Variants in MPP7 observed in about 807,000 individuals in gnomAD.
The protein encoded by MPP7 is MAGUK p55 subfamily member 7.
A neutral mutation model predicts 76.5 loss-of-function variants in MPP7; 60 were observed. That is an observed-to-expected ratio of 0.78 (90% CI 0.64 to 0.97). The LOEUF is 0.97. Ranked by LOEUF, MPP7 falls within the 50% of genes least tolerant of loss-of-function variation. The probability of loss-of-function intolerance (pLI) is 0.00; values close to 1 mark genes in which losing one functional copy is unlikely to be tolerated. For synonymous variants in MPP7, 237 were observed against 244.5 expected, an observed-to-expected ratio of 0.97 and a Z score of 0.29; for missense variants, 641 against 694.0, an observed-to-expected ratio of 0.92 and a Z score of 0.86.
intron 11 of MPP7, among the ~76,000 whole-genome samples, chr10:28,092,724 C>T (rs941978261): frequency 2.0e-5 from 3 of 149,422 alleles, no homozygotes; most frequent in Non-Finnish European, 4.4e-5. Context: ...AGGCATGTGC[C>T]ACCACACCTG....
chr10:28,072,002 G>A (rs1019232340), intron 12 of MPP7, among the ~76,000 whole-genome samples: 6 of 152,090 alleles, frequency 3.9e-5, no homozygotes, highest in East Asian at 3.9e-4. Context: ...GGCCTGGCGC[G>A]GTGGCTCACA....
rs1465109716 is a variant in MPP7, at chr10:28,119,664, G to A, written c.939C>T (p.Ser313=). 2 of 1,613,318 alleles carry A rather than the reference G, an allele frequency of 1.2e-6. No individual in the cohort carries two copies. The highest frequency in any genetic ancestry group is 1.7e-5 in the Admixed American group (1 of 59,978). The change falls in exon 11 of 17, where the codon TCC becomes TCT. Residue 313 remains serine (S), a synonymous_variant. Coordinates refer to ENST00000683449, the MANE Select transcript of MPP7 (RefSeq NM_001318170.2). ...PEILVQPLKV[S]NRKSSGFRKS... is the part of the protein sequence containing the mutation. Reference sequence around the variant, plus strand: ...TAACAAACTTACATGATTTCCTGTTGGAAACTTTCAGGGGCTGAACCAATA... The same window carrying A: ...TAACAAACTTACATGATTTCCTGTTAGAAACTTTCAGGGGCTGAACCAATA...
At chr10:28,315,982 C>T (rs1834316163) in intron 2 of MPP7, among the ~76,000 whole-genome samples, 1 of 152,174 alleles carries the variant, frequency 6.6e-6, no homozygotes, top group Admixed American at 6.5e-5. Context: ...TTACAATAGG[C>T]TTGACCAGTA....
chr10:28,320,101 A>G (rs1440457041), intron 2 of MPP7, among the ~76,000 whole-genome samples: 1 of 152,196 alleles, frequency 6.6e-6, no homozygotes, highest in Non-Finnish European at 1.5e-5. Context: ...GTCTCTATGT[A>G]AAGGAGTCAG....
At chr10:28,184,209 T>TAC (rs1249966082) in intron 3 of MPP7, among the ~76,000 whole-genome samples, 1 of 147,928 alleles carries the variant, frequency 6.8e-6, no homozygotes, top group Non-Finnish European at 1.5e-5. Context: ...TATATCTTTA[T>TAC]ATGTTAAATA....
At chr10:28,107,379 AT>A (rs926729007) in intron 11 of MPP7, among the ~76,000 whole-genome samples, 3 of 152,072 alleles carry the variant, frequency 2.0e-5, no homozygotes, top group African/African-American at 7.2e-5. Flanking sequence ...GTTTTCTATA[AT>A]CCCTACTGTC....
At chr10:28,221,315 C>T (rs1051711576) in intron 2 of MPP7, among the ~76,000 whole-genome samples, 2 of 152,178 alleles carry the variant, frequency 1.3e-5, no homozygotes, top group African/African-American at 4.8e-5. Context: ...AAACAGGTGA[C>T]ATTTTTTTTA....
At chr10:28,234,498 G>A in intron 2 of MPP7, among the ~76,000 whole-genome samples, 1 of 152,134 alleles carries the variant, frequency 6.6e-6, no homozygotes, top group East Asian at 1.9e-4. Flanking sequence ...AGTATGGAAA[G>A]GATGAAAAAA....
At chr10:28,278,891 A>C (rs1337410643) in intron 1 of MPP7, among the ~76,000 whole-genome samples, 1 of 151,642 alleles carries the variant, frequency 6.6e-6, no homozygotes, top group Non-Finnish European at 1.5e-5. Context: ...TCTCTTTGCC[A>C]TTCATTATTT....
rs71391019 is a variant in MPP7 at position 28,189,650 on chromosome 10, G to GAA, written c.156+12501_156+12502dup. On this transcript the variant is annotated intron_variant, in intron 3 of 16. Transcript: ENST00000683449. ...GCTAACTGTAGGGCAAGCACACATA[G>GAA]AAAAAAAAAATTAAGTATAATTGAT... Among the ~76,000 whole-genome samples, 45 of 139,960 alleles carry GAA rather than the reference G, an allele frequency of 3.2e-4. No individual in the cohort carries two copies. In the Middle Eastern group the frequency reaches 0.011, roughly 35 times the overall value. The allele number at this position is 139,960 out of a possible 152,430, so 91.8% of individuals were successfully genotyped here. A position where few individuals can be genotyped will look rare whatever the true frequency, so the allele number is the denominator to read the frequency against.
At chr10:28,064,113 A>G (rs183703086) in intron 13 of MPP7, among the ~76,000 whole-genome samples, 1 of 152,332 alleles carries the variant, frequency 6.6e-6, no homozygotes, top group Admixed American at 6.5e-5. Flanking sequence ...ATATTTGTCA[A>G]AAGACTTGTA....
chr10:28,107,079 C>T (rs1834349203), intron 11 of MPP7, among the ~76,000 whole-genome samples: 1 of 152,146 alleles, frequency 6.6e-6, no homozygotes, highest in Admixed American at 6.5e-5. Flanking sequence ...ATAAATGTGT[C>T]AATTACTTAA....
intron 1 of MPP7, among the ~76,000 whole-genome samples, chr10:28,255,736 T>G (rs1423449335): frequency 6.6e-6 from 1 of 152,218 alleles, no homozygotes; most frequent in African/African-American, 2.4e-5. Context: ...TATTTGTTAC[T>G]GAAATATAGT....
At chr10:28,261,966 A>G (rs997372253) in intron 1 of MPP7, among the ~76,000 whole-genome samples, 2 of 151,032 alleles carry the variant, frequency 1.3e-5, no homozygotes, top group African/African-American at 2.4e-5. Context: ...CCTGGCCAAC[A>G]TGGTGAAACC....
chr10:28,244,865 T>C (rs1255591011), intron 1 of MPP7, among the ~76,000 whole-genome samples: 1 of 152,136 alleles, frequency 6.6e-6, no homozygotes, highest in East Asian at 1.9e-4. Flanking sequence ...TCTGCAAGCA[T>C]AGGTGTAATG....
At chr10:28,133,629 G>A (rs529739313) in intron 5 of MPP7, among the ~76,000 whole-genome samples, 126 of 152,078 alleles carry the variant, frequency 8.3e-4, no homozygotes, top group Non-Finnish European at 1.5e-3. Context: ...TATACAAAAA[G>A]TACAAATCAT....
rs145936945 is a variant in MPP7, at chr10:28,181,001, T to C, written c.156+21152A>G. 6.9e-3 allele frequency among the ~76,000 whole-genome samples: 1,044 copies of C among 152,332 alleles called. 11 individuals carry two copies. The highest frequency in any genetic ancestry group is 0.024 in the African/African-American group (981 of 41,568). On this transcript the variant is annotated intron_variant, in intron 3 of 16. Coordinates refer to ENST00000683449, the MANE Select transcript of MPP7 (RefSeq NM_001318170.2). ...ACGGATGGATGGATGGATGAATGGA[T>C]GGACCCATGGGTGGGTAGATAAATA... is the stretch of plus-strand genomic sequence containing the variant.
intron 11 of MPP7, among the ~76,000 whole-genome samples, chr10:28,116,382 T>C (rs558267846): frequency 3.3e-5 from 5 of 152,284 alleles, no homozygotes; most frequent in East Asian, 1.9e-4. Flanking sequence ...ACACAAGAAA[T>C]GCAAGCTGCC....
At chr10:28,242,612 G>A (rs1564727950) in intron 1 of MPP7, among the ~76,000 whole-genome samples, 1 of 152,162 alleles carries the variant, frequency 6.6e-6, no homozygotes, top group South Asian at 2.1e-4. Flanking sequence ...CCTTCCAGAG[G>A]GGTCCATGAA....
Sources: allele counts gnomAD v4.1 joint callset (sites outside exome capture counted in the v4.1 genomes callset), GRCh38; gene constraint gnomAD v4.1.1; transcripts MANE v1.5; gene names NCBI Gene and HGNC (gene_info 2026-07-23, HGNC 2026-07-21).